Variants in SNTB1 observed in about 807,000 individuals in gnomAD.
SNTB1 encodes the protein beta-1-syntrophin.
Under a neutral mutation model 48.9 loss-of-function variants are expected in SNTB1, and 36 were observed. That is an observed-to-expected ratio of 0.74 (90% CI 0.56 to 0.97). The LOEUF (loss-of-function observed/expected upper bound fraction) is 0.97. Ranked by LOEUF, SNTB1 falls within the 50% of genes least tolerant of loss-of-function variation. The pLI, the probability that SNTB1 is intolerant of heterozygous loss-of-function variation, is 0.00. For missense variants in SNTB1, 786 were observed against 703.4 expected, an observed-to-expected ratio of 1.12 and a Z score of -1.33; for synonymous variants, 299 against 294.6, an observed-to-expected ratio of 1.01 and a Z score of -0.15.
chr8:120,716,791 A>G (rs1453457244), intron 1 of SNTB1, among the ~76,000 whole-genome samples: 1 of 152,176 alleles, frequency 6.6e-6, no homozygotes, highest in Non-Finnish European at 1.5e-5. Flanking sequence ...ATGATTTAAC[A>G]TGGGAAATAG....
In SNTB1 at chr8:120,541,894, C is replaced by T. The variant is rs1586984991; in HGVS notation, c.1440G>A (p.Gln480=). The T allele has an allele frequency of 6.2e-7, 1 of 1,613,966 alleles. No homozygotes were observed. Among genetic ancestry groups the T allele is most frequent in the Non-Finnish European group, 8.5e-7 (1 of 1,179,886 alleles). ...ACATTTTGAGCTTTTCATAAGGAGA[C>T]TGTATGATGGTCTTGGGAAAGGCAC... The part of the protein sequence containing the change: ...QEGAFPKTII[Q]SPYEKLKMSS... Residue 480 remains glutamine (Q), a synonymous_variant, in exon 6 of 7, where the codon CAG becomes CAA. Coordinates refer to ENST00000517992, the MANE Select transcript of SNTB1 (RefSeq NM_021021.4).
intron 4 of SNTB1, among the ~76,000 whole-genome samples, chr8:120,559,660 CA>C (rs1310095845): frequency 3.9e-5 from 6 of 151,950 alleles, no homozygotes; most frequent in Non-Finnish European, 5.9e-5. Flanking sequence ...TAGTTTTGAA[CA>C]AAACAAAAAA....
At chr8:120,561,073 A>T (rs1243161773) in intron 4 of SNTB1, among the ~76,000 whole-genome samples, 2 of 152,048 alleles carry the variant, frequency 1.3e-5, no homozygotes, top group African/African-American at 2.4e-5. Flanking sequence ...CATGCCTGTA[A>T]TCCCAGCATT....
At chr8:120,750,067 G>C (rs1322852334) in intron 1 of SNTB1, among the ~76,000 whole-genome samples, 1 of 152,066 alleles carries the variant, frequency 6.6e-6, no homozygotes, top group Non-Finnish European at 1.5e-5. Context: ...GAGCTTGCAA[G>C]GCCAGCCCTT....
intron 1 of SNTB1, among the ~76,000 whole-genome samples, chr8:120,717,619 C>T (rs550811611): frequency 5.3e-5 from 8 of 152,266 alleles, no homozygotes; most frequent in South Asian, 2.1e-4. Context: ...CAGCAGAGAA[C>T]GGGCAGGAGT....
At chr8:120,683,946 T>C (rs569332415) in intron 2 of SNTB1, among the ~76,000 whole-genome samples, 2 of 152,370 alleles carry the variant, frequency 1.3e-5, no homozygotes, top group East Asian at 3.9e-4. Context: ...CCACATTTTA[T>C]AGATAATGTC....
intron 3 of SNTB1, among the ~76,000 whole-genome samples, chr8:120,614,242 G>T (rs1330354048): frequency 6.6e-6 from 1 of 152,204 alleles, no homozygotes; most frequent in Non-Finnish European, 1.5e-5. Context: ...ACAAATTTAA[G>T]AGAGATACCC....
intron 1 of SNTB1, among the ~76,000 whole-genome samples, chr8:120,754,634 G>A (rs943508945): frequency 6.6e-6 from 1 of 152,178 alleles, no homozygotes; most frequent in Non-Finnish European, 1.5e-5. Context: ...TGCATGTGAA[G>A]TGTAGATGTA....
chr8:120,558,908 G>A (rs1815610091), intron 4 of SNTB1, among the ~76,000 whole-genome samples: 1 of 152,196 alleles, frequency 6.6e-6, no homozygotes, highest in African/African-American at 2.4e-5. Flanking sequence ...ATTCCCTGCT[G>A]TATTCCTAGC....
In SNTB1 at chr8:120,541,962, G is replaced by A. The variant is rs1338836477; in HGVS notation, c.1372C>T (p.His458Tyr). Residue 458 changes from histidine to tyrosine, a missense_variant, in exon 6 of 7, where the codon CAT becomes TAT. Physicochemically the swap from His to Tyr is moderately conservative, Grantham distance 83. Transcript: ENST00000517992. Reference sequence around the variant, plus strand: ...GTAATAGAAAATCCATTCTCATAATGTATGGTCAAACGGCACTCCTGGTTT... The same window carrying A: ...GTAATAGAAAATCCATTCTCATAATATATGGTCAAACGGCACTCCTGGTTT... Reference protein sequence around the residue: ...YKNQECRLTIHYENGFSITTE... With the variant: ...YKNQECRLTIYYENGFSITTE... 3 of 1,613,874 alleles carry A rather than the reference G, an allele frequency of 1.9e-6. No homozygotes were observed. The highest frequency in any genetic ancestry group is 1.6e-4 in the Middle Eastern group (1 of 6,062).
At chr8:120,722,728 C>G (rs1303424873) in intron 1 of SNTB1, among the ~76,000 whole-genome samples, 1 of 152,146 alleles carries the variant, frequency 6.6e-6, no homozygotes, top group Non-Finnish European at 1.5e-5. Context: ...TTTTGCTGTG[C>G]AGGAGCTCTT....
intron 3 of SNTB1, among the ~76,000 whole-genome samples, chr8:120,583,554 CACACACAA>C (rs1238227842): frequency 2.9e-5 from 3 of 102,268 alleles, no homozygotes; most frequent in Non-Finnish European, 6.9e-5. Context: ...CACACACACA[CACACACAA>C]AACTGGAACA....
At position 120,624,136 on chromosome 8, in the gene SNTB1, C is replaced by T. The variant is rs140398067; in HGVS notation, c.996+8308G>A. Among the ~76,000 whole-genome samples the T allele has an allele frequency of 4.1e-3, 630 of 152,258 alleles. 2 individuals carry two copies. Among genetic ancestry groups the T allele is most frequent in the South Asian group, 8.5e-3 (41 of 4,828 alleles). On this transcript the variant is annotated intron_variant, in intron 3 of 6. Coordinates refer to ENST00000517992, the MANE Select transcript of SNTB1 (RefSeq NM_021021.4). The stretch of plus-strand genomic sequence containing the variant: ...TATTTTTAGTAGACATGGGGTTTCA[C>T]CATGTTGGCCAGGCTGGTCTCAAAC...
intron 2 of SNTB1, among the ~76,000 whole-genome samples, chr8:120,655,939 T>C (rs1817494615): frequency 6.6e-6 from 1 of 152,174 alleles, no homozygotes; most frequent in African/African-American, 2.4e-5. Context: ...TCAGGTGTCA[T>C]TGGTGTGGGC....
chr8:120,809,837 C>T (rs1249378301), intron 1 of SNTB1, among the ~76,000 whole-genome samples: 2 of 152,166 alleles, frequency 1.3e-5, no homozygotes, highest in Non-Finnish European at 2.9e-5. Context: ...ATGAAGACAT[C>T]GCAAATCCTC....
intron 2 of SNTB1, among the ~76,000 whole-genome samples, chr8:120,641,870 G>C (rs758166680): frequency 1.3e-5 from 2 of 152,180 alleles, no homozygotes; most frequent in African/African-American, 2.4e-5. Flanking sequence ...AAAAATGGAT[G>C]AATTTTTGTT....
At chr8:120,548,717 T>C in intron 5 of SNTB1, 45 bp downstream of exon 5, 1 of 1,579,226 alleles carries the variant, frequency 6.3e-7, no homozygotes, top group South Asian at 1.1e-5. Context: ...AGAGGGTTCA[T>C]CTTCCCGTAA....
At chr8:120,704,707 T>C (rs961045553) in intron 1 of SNTB1, among the ~76,000 whole-genome samples, 7 of 152,130 alleles carry the variant, frequency 4.6e-5, no homozygotes, top group East Asian at 1.9e-4. Flanking sequence ...TAGGTGTTGG[T>C]TTTATTACTT....
In SNTB1 at chr8:120,811,463, G is replaced by A. The variant is rs1258511683; in HGVS notation, c.381C>T (p.Ile127=). 2 of 1,613,876 alleles carry A rather than the reference G, an allele frequency of 1.2e-6. No homozygotes were observed. Among genetic ancestry groups the A allele is most frequent in the African/African-American group, 2.7e-5 (2 of 74,916 alleles). The change falls in exon 1 of 7, where the codon ATC becomes ATT. Residue 127 remains isoleucine, a synonymous_variant. Coordinates refer to ENST00000517992, the MANE Select transcript of SNTB1 (RefSeq NM_021021.4). ...KQELGGLGIS[I]KGGKENKMPI... ...GCATCTTGTTCTCCTTGCCCCCCTT[G>A]ATGCTGATCCCCAGCCCGCCCAGCT... is the stretch of plus-strand genomic sequence containing the variant.
Sources: gnomAD v4.1 joint callset for allele counts (sites outside exome capture counted in the v4.1 genomes callset) on GRCh38, gnomAD v4.1.1 for gene constraint, MANE v1.5 for transcripts, NCBI Gene and HGNC (gene_info 2026-07-23, HGNC 2026-07-21) for gene names.